IQCM: variants seen among roughly 807,000 people sequenced by gnomAD.
IQCM encodes IQ motif containing M.
In IQCM, 45 loss-of-function variants were observed where a neutral mutation model predicts 57.6. The observed-to-expected ratio is 0.78, with a 90% CI of 0.62 to 1.00. The LOEUF is 1.00. Among genes scored for constraint, IQCM ranks in the 50% least tolerant of loss-of-function variants. The pLI, the probability that IQCM is intolerant of heterozygous loss-of-function variation, is 0.00. For missense variants in IQCM, 468 were observed against 511.6 expected (o/e 0.91, Z 0.82); for synonymous variants, 148 against 158.9 (o/e 0.93, Z 0.51).
At chr4:149,728,532 A>AT (rs1766169330) in intron 5 of IQCM, among the ~76,000 whole-genome samples, 1 of 152,206 alleles carries the variant, frequency 6.6e-6, no homozygotes, top group Admixed American at 6.5e-5. Flanking sequence ...CCACTGTTTA[A>AT]TTATTTTAAG....
chr4:149,362,352 AG>A (rs1378916179), intron 13 of IQCM, among the ~76,000 whole-genome samples: 1 of 151,976 alleles, frequency 6.6e-6, no homozygotes, highest in Non-Finnish European at 1.5e-5. Flanking sequence ...TGAGATTTGG[AG>A]GGGCCAGGGG....
chr4:149,475,090 T>C (rs1484225997), intron 12 of IQCM, among the ~76,000 whole-genome samples: 1 of 152,186 alleles, frequency 6.6e-6, no homozygotes, highest in African/African-American at 2.4e-5. Context: ...TTCTGGCTAC[T>C]GTGTCGAAAA....
At chr4:149,376,679 A>G (rs112453788) in intron 13 of IQCM, among the ~76,000 whole-genome samples, 6 of 152,290 alleles carry the variant, frequency 3.9e-5, no homozygotes, top group African/African-American at 1.4e-4. Context: ...CTAACATGAA[A>G]CCAGATTAAT....
intron 10 of IQCM, among the ~76,000 whole-genome samples, chr4:149,553,968 A>G (rs2149909865): frequency 6.6e-6 from 1 of 152,232 alleles, no homozygotes; most frequent in South Asian, 2.1e-4. Context: ...CTTTTAGTTA[A>G]CAAGTCAATT....
chr4:149,363,860 A>G (rs1287186157), intron 13 of IQCM, among the ~76,000 whole-genome samples: 2 of 152,202 alleles, frequency 1.3e-5, no homozygotes, highest in African/African-American at 4.8e-5. Context: ...TCAAGCAGAA[A>G]AACCCAAGAA....
chr4:149,646,535 T>C (rs531260706), intron 7 of IQCM, among the ~76,000 whole-genome samples: 2 of 152,200 alleles, frequency 1.3e-5, no homozygotes, highest in African/African-American at 4.8e-5. Context: ...AAAAAAGATA[T>C]GTAAGCAGTA....
chr4:149,796,191 G>C (rs1561284284), intron 2 of IQCM, among the ~76,000 whole-genome samples: 1 of 152,168 alleles, frequency 6.6e-6, no homozygotes, highest in Admixed American at 6.5e-5. Context: ...TCCCTTGAAG[G>C]GGTGAGATCC....
chr4:149,441,904 C>T (rs1164967772), intron 12 of IQCM, among the ~76,000 whole-genome samples: 1 of 152,078 alleles, frequency 6.6e-6, no homozygotes, highest in Non-Finnish European at 1.5e-5. Context: ...GGGATTAATG[C>T]CCTAGGTTCA....
chr4:149,688,062 C>A (rs181582647), intron 5 of IQCM, among the ~76,000 whole-genome samples: 180 of 152,028 alleles, frequency 1.2e-3, no homozygotes, highest in African/African-American at 4.1e-3. Context: ...CCCACTCTTA[C>A]CATTCCTCTT....
intron 2 of IQCM, among the ~76,000 whole-genome samples, chr4:149,771,717 C>T (rs148652623): frequency 1.3e-5 from 2 of 152,142 alleles, no homozygotes; most frequent in African/African-American, 4.8e-5. Flanking sequence ...ATTTCTAACA[C>T]TCCATGTGTC....
chr4:149,567,951 G>A (rs972296040), intron 9 of IQCM, among the ~76,000 whole-genome samples: 5 of 152,150 alleles, frequency 3.3e-5, no homozygotes, highest in African/African-American at 1.2e-4. Flanking sequence ...ACATTCAGCT[G>A]TTTTAAATAT....
intron 12 of IQCM, among the ~76,000 whole-genome samples, chr4:149,540,687 A>C (rs1280234984): frequency 6.6e-6 from 1 of 152,146 alleles, no homozygotes; most frequent in Non-Finnish European, 1.5e-5. Context: ...TCCTATTTTT[A>C]TTCTATTAAT....
chr4:149,646,753 G>A (rs985108579), intron 7 of IQCM, among the ~76,000 whole-genome samples: 5 of 152,184 alleles, frequency 3.3e-5, no homozygotes, highest in African/African-American at 1.2e-4. Context: ...GGAGGCTGAG[G>A]CAGGCAGATC....
Position 149,417,836 on chromosome 4 carries a change from G to A in IQCM, c.1390+15560C>T, listed in dbSNP as rs181255803. ...CCCTTTTTCCTTTTTTTTTTTTTTT[G>A]GAAGGCACTTTGAAGTTTGTAAAAA... On this transcript the variant is annotated intron_variant, in intron 13 of 13. Transcript: ENST00000636793. Among the ~76,000 whole-genome samples the A allele has an allele frequency of 1.3e-3, 134 of 104,912 alleles. 2 individuals are homozygous for A. The East Asian group carries it at 0.029, about 23-fold the overall frequency. 68.8% of individuals were successfully genotyped at this position (104,912 alleles called of 152,430 possible). A position where few individuals can be genotyped will look rare whatever the true frequency, so the allele number is the denominator to read the frequency against.
chr4:149,686,977 T>C lies in IQCM; in HGVS notation c.386-509A>G, dbSNP rs950009534. ...AGGTTCTACTTTTTAAAAAATCTAC[T>C]TCTTCAAGTCTAAAGAGAAATTTAC... On this transcript the variant is annotated intron_variant, in intron 5 of 13. Transcript: ENST00000636793. 1.4e-4 allele frequency among the ~76,000 whole-genome samples: 21 copies of C among 151,628 alleles called. 1 individual carries two copies.
intron 5 of IQCM, among the ~76,000 whole-genome samples, chr4:149,701,735 T>C (rs1213107698): frequency 6.6e-6 from 1 of 151,944 alleles, no homozygotes; most frequent in South Asian, 2.1e-4. Flanking sequence ...ACTACAAGAA[T>C]AGAAAATGGT....
chr4:149,733,459 T>G lies in IQCM; in HGVS notation c.170A>C (p.Lys57Thr). 1 of 1,231,426 alleles carries G rather than the reference T, an allele frequency of 8.1e-7. No individual in the cohort carries two copies. Among genetic ancestry groups the G allele is most frequent in the Non-Finnish European group, 1.0e-6 (1 of 987,362 alleles). The allele number at this position is 1,231,426 out of a possible 1,614,324, so 76.3% of individuals were successfully genotyped here. Reference sequence around the variant, plus strand: ...AGGTATGTATTTGCCAGATTTCGGTTTTTGGTGTTTCTTTCTAAAAACATT... The same window carrying G: ...AGGTATGTATTTGCCAGATTTCGGTGTTTGGTGTTTCTTTCTAAAAACATT... ...SINVFRKKHQ[K>T]PKSGKYIPLE... Residue 57 changes from lysine to threonine, a missense_variant, in exon 5 of 14, where the codon AAA becomes ACA. Physicochemically the swap from Lys to Thr is moderately conservative, Grantham distance 78 (BLOSUM62 -1). Transcript: ENST00000636793.
At chr4:149,410,420 CTGTGTG>C (rs34376171) in intron 13 of IQCM, among the ~76,000 whole-genome samples, 2 of 147,600 alleles carry the variant, frequency 1.4e-5, no homozygotes, top group East Asian at 3.9e-4. Flanking sequence ...ATACACACAC[CTGTGTG>C]TGTGTGTGTG....
rs1383383783 is a variant in IQCM at position 149,520,201 on chromosome 4, G to A, written c.1228+28254C>T. Among the ~76,000 whole-genome samples, 3 of 149,834 alleles carry A rather than the reference G, an allele frequency of 2.0e-5. No homozygotes were observed. The East Asian group carries it at 5.9e-4, about 29-fold the overall frequency. ...TAATTTTTTTATTCCACAAAAAACCGTATATAAGGTGGGCACCATTTTTTT... is the reference window on the plus strand; with the variant it reads ...TAATTTTTTTATTCCACAAAAAACCATATATAAGGTGGGCACCATTTTTTT... On this transcript the variant is annotated intron_variant, in intron 12 of 13. Coordinates refer to ENST00000636793, the MANE Select transcript of IQCM (RefSeq NM_001363507.2).
Sources: gnomAD v4.1 joint callset for allele counts (sites outside exome capture counted in the v4.1 genomes callset) on GRCh38, gnomAD v4.1.1 for gene constraint, MANE v1.5 for transcripts, NCBI Gene and HGNC (gene_info 2026-07-23, HGNC 2026-07-21) for gene names.